Variants in MTUS2 observed in about 807,000 individuals in gnomAD.
MTUS2 encodes microtubule associated scaffold protein 2.
Under a neutral mutation model 114.1 loss-of-function variants are expected in MTUS2, and 40 were observed. The ratio of observed to expected loss-of-function variants is 0.35; its 90% CI spans 0.27 to 0.46. MTUS2 has a LOEUF of 0.46. MTUS2 is among the 20% of genes least tolerant of loss of function. The pLI, the probability that MTUS2 is intolerant of heterozygous loss-of-function variation, is 1.00. For missense variants in MTUS2, 1,679 were observed against 1,705.4 expected (o/e 0.98, Z 0.27); for synonymous variants, 688 against 672.0 (o/e 1.02, Z -0.37).
At chr13:29,147,767 T>A (rs1265486157) in intron 5 of MTUS2, among the ~76,000 whole-genome samples, 1 of 152,196 alleles carries the variant, frequency 6.6e-6, no homozygotes, top group Non-Finnish European at 1.5e-5. Context: ...AAGGACATGA[T>A]TCTGTTCTTT....
intron 4 of MTUS2, among the ~76,000 whole-genome samples, chr13:29,097,277 A>G (rs1890217152): frequency 6.6e-6 from 1 of 152,208 alleles, no homozygotes. Context: ...CTACATGTTC[A>G]TAGAACAATT....
intron 5 of MTUS2, among the ~76,000 whole-genome samples, chr13:29,178,971 T>C (rs954069970): frequency 4.6e-5 from 7 of 152,212 alleles, no homozygotes; most frequent in African/African-American, 1.4e-4. Context: ...TGCAGTGATA[T>C]GTGAACTCTC....
At chr13:29,211,117 C>A (rs929629445) in intron 5 of MTUS2, among the ~76,000 whole-genome samples, 2 of 152,010 alleles carry the variant, frequency 1.3e-5, no homozygotes, top group South Asian at 4.2e-4. Flanking sequence ...ATGTCTGAGC[C>A]CAGACTGTCC....
intron 5 of MTUS2, among the ~76,000 whole-genome samples, chr13:29,115,867 C>A (rs542016603): frequency 6.6e-6 from 1 of 152,314 alleles, no homozygotes; most frequent in Admixed American, 6.5e-5. Flanking sequence ...TTCCCTCCAA[C>A]TGATTCTTTA....
rs73451218 is a variant in MTUS2, at chr13:29,251,684, A to G, written c.2645-30020A>G. Among the ~76,000 whole-genome samples, 603 of 152,312 alleles carry G rather than the reference A, an allele frequency of 4.0e-3. 2 individuals are homozygous for G. Among genetic ancestry groups the G allele is most frequent in the African/African-American group, 0.013 (556 of 41,570 alleles). ...AATTTGCCTACTCTAGGTACCTCCT[A>G]TGAGTGGAATGATACAGTATTTGTT... On this transcript the variant is annotated intron_variant, in intron 5 of 15. Coordinates refer to ENST00000612955, the MANE Select transcript of MTUS2 (RefSeq NM_001033602.4).
At position 29,286,678 on chromosome 13, in the gene MTUS2, C is replaced by CTATCTATCTATCTATCTATCTATA. The variant is rs1555261579; in HGVS notation, c.2806+4834_2806+4835insATATATCTATCTATCTATCTATCT. Among the ~76,000 whole-genome samples the CTATCTATCTATCTATCTATCTATA allele has an allele frequency of 7.7e-4, 117 of 151,024 alleles. 1 individual carries two copies. Among genetic ancestry groups the CTATCTATCTATCTATCTATCTATA allele is most frequent in the East Asian group, 3.9e-3 (20 of 5,090 alleles). On this transcript the variant is annotated intron_variant, in intron 6 of 15. Coordinates refer to ENST00000612955, the MANE Select transcript of MTUS2 (RefSeq NM_001033602.4). ...TCTGTCTGTCTGTCTGTCTGTCTAT[C>CTATCTATCTATCTATCTATCTATA]TATCTATCTATCTATCTATCTTACT... is the stretch of plus-strand genomic sequence containing the variant.
At chr13:28,954,151 G>C (rs1409152766) in intron 2 of MTUS2, among the ~76,000 whole-genome samples, 1 of 152,156 alleles carries the variant, frequency 6.6e-6, no homozygotes, top group African/African-American at 2.4e-5. Flanking sequence ...TTTGCAGAGT[G>C]TGTTCATTTT....
chr13:29,100,692 G>C, intron 4 of MTUS2, 81 bp from the exon 5 acceptor site: 5 of 1,449,058 alleles, frequency 3.5e-6, no homozygotes, highest in Non-Finnish European at 4.7e-6. Flanking sequence ...ATAGAACTGG[G>C]TTCGAATTCA....
At chr13:28,903,439 G>C (rs1034189537) in intron 2 of MTUS2, among the ~76,000 whole-genome samples, 5 of 123,768 alleles carry the variant, frequency 4.0e-5, no homozygotes, top group African/African-American at 1.6e-4. Context: ...ACAGGCCCTG[G>C]TGTGTGATGT....
At chr13:29,156,731 T>C (rs777134172) in intron 5 of MTUS2, among the ~76,000 whole-genome samples, 1 of 152,194 alleles carries the variant, frequency 6.6e-6, no homozygotes, top group Non-Finnish European at 1.5e-5. Flanking sequence ...TTCGTTTATA[T>C]GAAAAGATAC....
At chr13:29,212,203 G>A (rs1363822545) in intron 5 of MTUS2, among the ~76,000 whole-genome samples, 1 of 151,982 alleles carries the variant, frequency 6.6e-6, no homozygotes, top group Non-Finnish European at 1.5e-5. Context: ...TTGGTCCATG[G>A]TTATTTGGAA....
At chr13:29,389,834 TATACATACATATGTGTATATATAC>T (rs1873195233) in intron 8 of MTUS2, among the ~76,000 whole-genome samples, 1 of 7,256 alleles carries the variant, frequency 1.4e-4, no homozygotes, top group African/African-American at 1.5e-4. Context: ...TATGTGTATA[TATACATACATATGTGTATATATAC>T]ATACATATGT....
At chr13:28,937,270 C>CAGCACTCTGTAAGATGGACCAGTA (rs1320599862) in intron 2 of MTUS2, among the ~76,000 whole-genome samples, 12 of 152,156 alleles carry the variant, frequency 7.9e-5, no homozygotes, top group Non-Finnish European at 1.3e-4. Context: ...ATGCACCAAT[C>CAGCACTCTGTAAGATGGACCAGTA]AGCACTCTGT....
intron 7 of MTUS2, among the ~76,000 whole-genome samples, chr13:29,326,495 C>A (rs1379817704): frequency 6.6e-6 from 1 of 150,712 alleles, no homozygotes; most frequent in Non-Finnish European, 1.5e-5. Flanking sequence ...TTGTTCTGAA[C>A]CCTAGATGGG....
intron 12 of MTUS2, among the ~76,000 whole-genome samples, chr13:29,494,698 G>A (rs1027640890): frequency 5.9e-5 from 9 of 151,986 alleles, no homozygotes; most frequent in East Asian, 1.9e-4. Context: ...CTAATGCACC[G>A]GCATTTGCAT....
At chr13:29,206,333 A>C (rs1303858300) in intron 5 of MTUS2, among the ~76,000 whole-genome samples, 1 of 152,164 alleles carries the variant, frequency 6.6e-6, no homozygotes, top group African/African-American at 2.4e-5. Flanking sequence ...ATAGTTTTCA[A>C]AGATTTTCTC....
chr13:29,172,918 A>G (rs1423293736), intron 5 of MTUS2, among the ~76,000 whole-genome samples: 6 of 152,194 alleles, frequency 3.9e-5, no homozygotes, highest in Admixed American at 6.5e-5. Flanking sequence ...AGTCCTAGGT[A>G]AGACCAAATT....
chr13:29,138,019 G>A (rs1892057370), intron 5 of MTUS2, among the ~76,000 whole-genome samples: 1 of 152,138 alleles, frequency 6.6e-6, no homozygotes. Flanking sequence ...TGGAACATCG[G>A]TGCCTCTTTT....
At chr13:29,297,683 C>G (rs779955602) in intron 6 of MTUS2, among the ~76,000 whole-genome samples, 1 of 152,200 alleles carries the variant, frequency 6.6e-6, no homozygotes, top group Non-Finnish European at 1.5e-5. Flanking sequence ...ATTCTGAGGT[C>G]TGTTTACACT....
Sources: allele counts gnomAD v4.1 joint callset (sites outside exome capture counted in the v4.1 genomes callset), GRCh38; gene constraint gnomAD v4.1.1; transcripts MANE v1.5; gene names NCBI Gene and HGNC (gene_info 2026-07-23, HGNC 2026-07-21).